Variants in TUSC3 observed in about 807,000 individuals in gnomAD.
TUSC3 encodes tumor suppressor candidate 3, also known as dolichyl-diphosphooligosaccharide--protein glycosyltransferase subunit TUSC3.
In TUSC3, 45 loss-of-function variants were observed where a neutral mutation model predicts 44.8. The ratio of observed to expected loss-of-function variants is 1.00; its 90% CI spans 0.79 to 1.29. TUSC3 has a LOEUF of 1.29. Ranked by LOEUF, TUSC3 falls within the 50% of genes most tolerant of loss-of-function variation. The pLI is 0.00. For missense variants in TUSC3, 519 were observed against 437.9 expected, an observed-to-expected ratio of 1.19 and a Z score of -1.65; for synonymous variants, 212 against 152.9, an observed-to-expected ratio of 1.39 and a Z score of -2.85.
At chr8:15,466,070 G>A (rs184405810) in intron 1 of TUSC3, among the ~76,000 whole-genome samples, 1 of 152,188 alleles carries the variant, frequency 6.6e-6, no homozygotes, top group African/African-American at 2.4e-5. Flanking sequence ...TTCTTCCTGG[G>A]AACAATGCTT....
At chr8:15,673,912 A>G in intron 6 of TUSC3, 76 bp downstream of exon 6, 2 of 1,258,252 alleles carry the variant, frequency 1.6e-6, no homozygotes, top group Non-Finnish European at 2.3e-6. Flanking sequence ...TATGTTTAGT[A>G]TTTAGTAGGA....
At chr8:15,832,524 G>T in the TUSC3 span, among the ~76,000 whole-genome samples, 1 of 152,132 alleles carries the variant, frequency 6.6e-6, no homozygotes. Flanking sequence ...TTGGCATGCT[G>T]TCTTCAAGAG....
intron 1 of TUSC3, among the ~76,000 whole-genome samples, chr8:15,606,853 A>G (rs1804549972): frequency 6.6e-6 from 1 of 152,102 alleles, no homozygotes; most frequent in African/African-American, 2.4e-5. Context: ...ACCAATGCAT[A>G]GCCATATTGT....
In TUSC3 at chr8:15,728,841, C is replaced by CGGA. The variant is rs1380432783; in HGVS notation, c.799-1814_799-1812dup. Reference sequence around the variant, plus strand: ...AAGGAAAGGAACAGCCTTCTCCTTCCGGAGGAGGAGGAGCCAATGAGGTAG... The same window carrying CGGA: ...AAGGAAAGGAACAGCCTTCTCCTTCCGGAGGAGGAGGAGGAGCCAATGAGGTAG... On this transcript the variant is annotated intron_variant, in intron 6 of 10. Coordinates refer to ENST00000503731, the MANE Select transcript of TUSC3 (RefSeq NM_006765.4). Among the ~76,000 whole-genome samples the CGGA allele has an allele frequency of 1.5e-4, 23 of 152,004 alleles. 1 individual carries two copies. The highest frequency in any genetic ancestry group is 5.1e-4 in the African/African-American group (21 of 41,364).
intron 1 of TUSC3, among the ~76,000 whole-genome samples, chr8:15,423,233 C>T (rs760977487): frequency 6.6e-5 from 10 of 152,080 alleles, no homozygotes; most frequent in East Asian, 1.9e-4. Flanking sequence ...GATCCATATG[C>T]GGGATTTGAT....
At chr8:15,746,296 C>T (rs1471211150) in intron 8 of TUSC3, among the ~76,000 whole-genome samples, 1 of 152,008 alleles carries the variant, frequency 6.6e-6, no homozygotes, top group African/African-American at 2.4e-5. Flanking sequence ...AACTCCAGCT[C>T]CCAGCCACCC....
chr8:15,432,400 C>T (rs1434243246), intron 1 of TUSC3, among the ~76,000 whole-genome samples: 1 of 151,978 alleles, frequency 6.6e-6, no homozygotes, highest in Non-Finnish European at 1.5e-5. Context: ...TTACATTTCC[C>T]ATCTGTTTTC....
intron 1 of TUSC3, among the ~76,000 whole-genome samples, chr8:15,440,997 TC>T (rs1276179255): frequency 1.3e-5 from 2 of 152,236 alleles, no homozygotes; most frequent in Admixed American, 6.5e-5. Flanking sequence ...AAGTACTATT[TC>T]TGGAATTGCA....
intron 2 of TUSC3, among the ~76,000 whole-genome samples, chr8:15,491,058 A>G (rs1208163009): frequency 6.6e-6 from 1 of 152,230 alleles, no homozygotes; most frequent in East Asian, 1.9e-4. Flanking sequence ...CACACATTTT[A>G]CATATGAGAA....
chr8:15,669,811 G>A (rs1807861593), intron 5 of TUSC3, among the ~76,000 whole-genome samples: 1 of 151,494 alleles, frequency 6.6e-6, no homozygotes, highest in Non-Finnish European at 1.5e-5. Context: ...TATTTTACTG[G>A]GACCCTGAGC....
At chr8:15,469,694 A>G (rs1800459491) in intron 1 of TUSC3, among the ~76,000 whole-genome samples, 2 of 152,248 alleles carry the variant, frequency 1.3e-5, no homozygotes, top group Admixed American at 6.5e-5. Context: ...AAACCTGCAC[A>G]CAGATGTTTA....
the TUSC3 span, among the ~76,000 whole-genome samples, chr8:15,782,004 G>A: frequency 6.6e-6 from 1 of 152,174 alleles, no homozygotes; most frequent in Non-Finnish European, 1.5e-5. Context: ...TGTGGTGGCA[G>A]GTGCCTATAA....
the TUSC3 span, among the ~76,000 whole-genome samples, chr8:15,815,631 C>G: frequency 1.3e-5 from 2 of 152,120 alleles, no homozygotes; most frequent in Non-Finnish European, 2.9e-5. Context: ...CAATCTTTAC[C>G]TATTCCCAGG....
intron 1 of TUSC3, among the ~76,000 whole-genome samples, chr8:15,602,591 C>A (rs1485931299): frequency 3.3e-5 from 5 of 151,050 alleles, no homozygotes; most frequent in African/African-American, 1.2e-4. Flanking sequence ...TGATACTGTG[C>A]AAATTGCCTA....
chr8:15,831,957 C>T, the TUSC3 span, among the ~76,000 whole-genome samples: 2 of 152,130 alleles, frequency 1.3e-5, no homozygotes, highest in East Asian at 3.9e-4. Flanking sequence ...CAGTAAGATA[C>T]TTCAAAGAAG....
chr8:15,685,300 G>T (rs961337318), intron 6 of TUSC3, among the ~76,000 whole-genome samples: 2 of 151,594 alleles, frequency 1.3e-5, no homozygotes, highest in African/African-American at 4.9e-5. Flanking sequence ...AGTACAGGAG[G>T]CCGGTCCTAG....
intron 6 of TUSC3, among the ~76,000 whole-genome samples, chr8:15,722,066 A>G (rs1277870417): frequency 1.3e-5 from 2 of 152,000 alleles, no homozygotes; most frequent in East Asian, 3.9e-4. Context: ...ATTGATTCCC[A>G]TTAGCTGTCT....
At chr8:15,528,645 T>A (rs1801408898) in intron 2 of TUSC3, among the ~76,000 whole-genome samples, 1 of 152,232 alleles carries the variant, frequency 6.6e-6, no homozygotes, top group Non-Finnish European at 1.5e-5. Context: ...CTGGCTTCTG[T>A]AGAACACTTC....
rs1324644739 is a variant in TUSC3 at position 15,764,738 on chromosome 8, C to A, written c.*582C>A. On this transcript the variant is annotated 3_prime_UTR_variant, in exon 11 of 11. Coordinates refer to ENST00000503731, the MANE Select transcript of TUSC3 (RefSeq NM_006765.4). ...CAGGGAACTGGATGAATGGTACCTA[C>A]AATTTGGATGCCTAACCAAGGACTA... is the stretch of plus-strand genomic sequence containing the variant. 6.5e-6 allele frequency: 1 copy of A among 152,928 alleles called. No homozygotes were observed. Among genetic ancestry groups the A allele is most frequent in the Non-Finnish European group, 1.5e-5 (1 of 68,576 alleles). The allele number at this position is 152,928 out of a possible 1,614,324, so 9.5% of individuals were successfully genotyped here.
Sources: allele counts gnomAD v4.1 joint callset (sites outside exome capture counted in the v4.1 genomes callset), GRCh38; gene constraint gnomAD v4.1.1; transcripts MANE v1.5; gene names NCBI Gene and HGNC (gene_info 2026-07-23, HGNC 2026-07-21).